MMP16: variants seen among roughly 807,000 people sequenced by gnomAD.
MMP16 encodes matrix metalloproteinase-16.
In MMP16, 12 loss-of-function variants were observed where a neutral mutation model predicts 67.8. The ratio of observed to expected loss-of-function variants is 0.18; its 90% confidence interval spans 0.11 to 0.29. The LOEUF (loss-of-function observed/expected upper bound fraction) is 0.29, where lower values mean the gene tolerates loss of function less well. Among genes scored for constraint, MMP16 ranks in the 10% least tolerant of loss-of-function variants. The pLI, the probability that MMP16 is intolerant of heterozygous loss-of-function variation, is 1.00. For missense variants in MMP16, 475 were observed against 765.7 expected (o/e 0.62, Z 4.48); for synonymous variants, 249 against 255.9 (o/e 0.97, Z 0.26).
intron 1 of MMP16, among the ~76,000 whole-genome samples, chr8:88,289,145 G>C (rs1810880659): frequency 1.3e-5 from 2 of 152,124 alleles, no homozygotes; most frequent in Non-Finnish European, 2.9e-5. Context: ...GAGAGAGAGA[G>C]AGAGACAGAA....
chr8:88,156,206 C>A (rs1221853309), intron 4 of MMP16, among the ~76,000 whole-genome samples: 19 of 151,694 alleles, frequency 1.3e-4, no homozygotes, highest in Admixed American at 1.3e-3. Flanking sequence ...TTTTAACTTG[C>A]TGGTCAAATA....
intron 7 of MMP16, among the ~76,000 whole-genome samples, chr8:88,062,797 A>T (rs1326939352): frequency 1.3e-5 from 2 of 152,172 alleles, no homozygotes; most frequent in African/African-American, 4.8e-5. Context: ...CCTACAACTT[A>T]AAGTATAATA....
At chr8:88,150,115 A>G (rs1808377893) in intron 4 of MMP16, among the ~76,000 whole-genome samples, 1 of 89,108 alleles carries the variant, frequency 1.1e-5, no homozygotes, top group African/African-American at 4.2e-5. Flanking sequence ...GGTATCAGCA[A>G]TGGAAGATGA....
chr8:88,325,717 T>C (rs955376866), intron 1 of MMP16, among the ~76,000 whole-genome samples: 2 of 152,158 alleles, frequency 1.3e-5, no homozygotes, highest in Non-Finnish European at 2.9e-5. Context: ...TTCAAAGGGT[T>C]AAACCTTTTT....
chr8:88,253,839 C>A (rs1810262485), intron 1 of MMP16, among the ~76,000 whole-genome samples: 1 of 151,846 alleles, frequency 6.6e-6, no homozygotes, highest in Non-Finnish European at 1.5e-5. Context: ...TAAAATTTTT[C>A]TTCTAATTTT....
At chr8:88,105,237 G>A (rs774651938) in intron 6 of MMP16, among the ~76,000 whole-genome samples, 4 of 150,790 alleles carry the variant, frequency 2.7e-5, no homozygotes, top group South Asian at 2.1e-4. Context: ...TGGATAATCT[G>A]GGTTTGCTTG....
chr8:88,233,212 A>T (rs1809888926), intron 1 of MMP16, among the ~76,000 whole-genome samples: 1 of 151,858 alleles, frequency 6.6e-6, no homozygotes, highest in South Asian at 2.1e-4. Flanking sequence ...TTCCAACGAC[A>T]CTCCACTCCT....
rs968882940 is a variant in MMP16 at position 88,238,738 on chromosome 8, G to T, written c.133-41432C>A. On this transcript the variant is annotated intron_variant, in intron 1 of 9. Transcript: ENST00000286614. ...CTTCTGCCTTTTTTATACTGCATAT[G>T]TGTATTATTTCTGTAATAACTTTGA... 4.8e-5 allele frequency among the ~76,000 whole-genome samples: 7 copies of T among 147,280 alleles called. No individual in the cohort carries two copies. The Admixed American group carries it at 4.8e-4, about 10-fold the overall frequency.
At chr8:88,294,471 CACAT>C (rs759869428) in intron 1 of MMP16, among the ~76,000 whole-genome samples, 10 of 149,524 alleles carry the variant, frequency 6.7e-5, no homozygotes, top group Non-Finnish European at 1.2e-4. Context: ...TCTCTGTACA[CACAT>C]ATGTATGTCT....
At chr8:88,060,504 G>A (rs186091033) in intron 7 of MMP16, among the ~76,000 whole-genome samples, 57 of 152,126 alleles carry the variant, frequency 3.7e-4, no homozygotes, top group Admixed American at 5.9e-4. Context: ...TCATTTCAAG[G>A]TTCCTTTCAG....
In MMP16 at chr8:88,233,910, G is replaced by A. The variant is rs770403810; in HGVS notation, c.133-36604C>T. Among the ~76,000 whole-genome samples, 4 of 152,170 alleles carry A rather than the reference G, an allele frequency of 2.6e-5. No individual in the cohort carries two copies. In the East Asian group the frequency reaches 7.7e-4, roughly 29 times the overall value. ...TATTTTAAAGGCTCCCAAAGTGAGC[G>A]CCAGATCCAGTTATTTCACAATGAT... On this transcript the variant is annotated intron_variant, in intron 1 of 9. Coordinates refer to ENST00000286614, the MANE Select transcript of MMP16 (RefSeq NM_005941.5).
At chr8:88,070,209 G>A (rs1808529202) in intron 7 of MMP16, among the ~76,000 whole-genome samples, 1 of 152,034 alleles carries the variant, frequency 6.6e-6, no homozygotes, top group African/African-American at 2.4e-5. Context: ...ATTTTACCTT[G>A]TTGGGTCAGT....
chr8:88,179,895 G>A (rs1048848483), intron 3 of MMP16, among the ~76,000 whole-genome samples: 8 of 152,028 alleles, frequency 5.3e-5, no homozygotes, highest in Non-Finnish European at 1.2e-4. Flanking sequence ...ACTGGAAGAG[G>A]GGAAGACAAA....
chr8:88,209,337 C>T (rs1022875351), intron 1 of MMP16, among the ~76,000 whole-genome samples: 3 of 152,034 alleles, frequency 2.0e-5, no homozygotes, highest in African/African-American at 7.2e-5. Context: ...TTTACTTCCA[C>T]TTAATAAAAA....
At chr8:88,137,755 T>C (rs537154355) in intron 4 of MMP16, among the ~76,000 whole-genome samples, 2 of 152,102 alleles carry the variant, frequency 1.3e-5, no homozygotes, top group South Asian at 4.1e-4. Context: ...CCTATATGCA[T>C]GTCTCTACTC....
chr8:88,297,796 G>A (rs1381709247), intron 1 of MMP16, among the ~76,000 whole-genome samples: 2 of 152,130 alleles, frequency 1.3e-5, no homozygotes, highest in Admixed American at 6.5e-5. Flanking sequence ...AATGAGTATG[G>A]CAATAATAAC....
intron 1 of MMP16, among the ~76,000 whole-genome samples, chr8:88,224,490 T>C (rs6983817): frequency 0.21 from 31,249 of 151,906 alleles, 4,292 homozygotes; most frequent in East Asian, 0.52. Flanking sequence ...TGATCATCTA[T>C]GCCACTTGTA....
intron 7 of MMP16, among the ~76,000 whole-genome samples, chr8:88,065,383 G>A (rs1352318145): frequency 1.3e-5 from 2 of 152,004 alleles, no homozygotes; most frequent in Non-Finnish European, 2.9e-5. Flanking sequence ...ATACTATGGA[G>A]TTTTTGAATC....
chr8:88,074,862 ATCAG>A, intron 6 of MMP16, 119 bp from the exon 7 acceptor site: 1 of 1,307,172 alleles, frequency 7.7e-7, no homozygotes, highest in East Asian at 2.4e-5. Flanking sequence ...CTTACATTAA[ATCAG>A]TCAGAGAAAG....
Sources: gnomAD v4.1 joint callset for allele counts (sites outside exome capture counted in the v4.1 genomes callset) on GRCh38, gnomAD v4.1.1 for gene constraint, MANE v1.5 for transcripts, NCBI Gene and HGNC (gene_info 2026-07-23, HGNC 2026-07-21) for gene names.